Variants in PLCB4 observed in about 807,000 individuals in gnomAD.
The protein encoded by PLCB4 is 1-phosphatidylinositol 4,5-bisphosphate phosphodiesterase beta-4.
In PLCB4, 77 loss-of-function variants were observed where a neutral mutation model predicts 178.8. That is an observed-to-expected ratio of 0.43 (90% CI 0.36 to 0.52). The LOEUF is 0.52. Ranked by LOEUF, PLCB4 falls within the 20% of genes least tolerant of loss-of-function variation. The pLI is 0.00. For missense variants in PLCB4, 1,024 were observed against 1,453.4 expected (o/e 0.70, Z 4.80); for synonymous variants, 496 against 490.8 (o/e 1.01, Z -0.14).
chr20:9,385,705 C>A (rs1177940222), intron 14 of PLCB4, among the ~76,000 whole-genome samples: 2 of 149,282 alleles, frequency 1.3e-5, no homozygotes, highest in Admixed American at 1.3e-4. Flanking sequence ...GACGGGGCAG[C>A]CGGGCAGAGG....
At chr20:9,149,217 T>G (rs1329563020) in intron 2 of PLCB4, among the ~76,000 whole-genome samples, 1 of 152,154 alleles carries the variant, frequency 6.6e-6, no homozygotes, top group Non-Finnish European at 1.5e-5. Context: ...GACTCCCCTT[T>G]TCTCCACAGC....
rs532269739 is a variant in PLCB4, at chr20:9,450,346, A to G, written c.2881-3001A>G. ...TGAGCTGAGACTTGACCAGAGTCACATGGAAATCAGTAATTAGGATCCCCA... is the reference window on the plus strand; with the variant it reads ...TGAGCTGAGACTTGACCAGAGTCACGTGGAAATCAGTAATTAGGATCCCCA... On this transcript the variant is annotated intron_variant, in intron 32 of 39. Coordinates refer to ENST00000378473, the MANE Select transcript of PLCB4 (RefSeq NM_001377142.1). Among the ~76,000 whole-genome samples, 5 of 152,270 alleles carry G rather than the reference A, an allele frequency of 3.3e-5. No individual in the cohort carries two copies. The South Asian group carries it at 6.2e-4, about 19-fold the overall frequency.
intron 2 of PLCB4, among the ~76,000 whole-genome samples, chr20:9,176,493 T>A (rs916951286): frequency 6.6e-6 from 1 of 152,206 alleles, no homozygotes; most frequent in Non-Finnish European, 1.5e-5. Context: ...CATTTTTACA[T>A]GTATTATCAG....
chr20:9,239,162 G>C (rs896630043), intron 3 of PLCB4, among the ~76,000 whole-genome samples: 11 of 151,990 alleles, frequency 7.2e-5, no homozygotes, highest in Non-Finnish European at 1.5e-4. Flanking sequence ...AACATTTGAA[G>C]GTCTGTCTTG....
At chr20:9,356,715 A>T (rs2034855796) in intron 7 of PLCB4, among the ~76,000 whole-genome samples, 1 of 152,238 alleles carries the variant, frequency 6.6e-6, no homozygotes, top group Non-Finnish European at 1.5e-5. Context: ...AATTATATAC[A>T]TTCCTGACAT....
At chr20:9,101,474 T>C (rs1051804046) in intron 2 of PLCB4, among the ~76,000 whole-genome samples, 11 of 152,160 alleles carry the variant, frequency 7.2e-5, no homozygotes, top group African/African-American at 2.7e-4. Context: ...TAACAAACTC[T>C]ATACAATGAA....
At chr20:9,325,880 G>C (rs764041595) in intron 4 of PLCB4, among the ~76,000 whole-genome samples, 81 of 152,150 alleles carry the variant, frequency 5.3e-4, no homozygotes, top group Admixed American at 1.6e-3. Flanking sequence ...CCATACACTC[G>C]GCAGCTATAA....
At chr20:9,151,700 C>G (rs757715672) in intron 2 of PLCB4, among the ~76,000 whole-genome samples, 17 of 151,978 alleles carry the variant, frequency 1.1e-4, no homozygotes, top group Non-Finnish European at 2.2e-4. Flanking sequence ...TGAAAACAAA[C>G]TAATACAGTA....
At chr20:9,101,233 A>G (rs553848005) in intron 2 of PLCB4, among the ~76,000 whole-genome samples, 4 of 152,192 alleles carry the variant, frequency 2.6e-5, no homozygotes, top group Admixed American at 2.0e-4. Flanking sequence ...CAATGTGAAC[A>G]GTCCTGTAGG....
At chr20:9,424,368 C>G (rs1261066784) in intron 28 of PLCB4, among the ~76,000 whole-genome samples, 3 of 152,096 alleles carry the variant, frequency 2.0e-5, no homozygotes, top group Admixed American at 6.5e-5. Flanking sequence ...CTTCCAAATC[C>G]ACAAGAAAGT....
At chr20:9,310,186 A>G (rs1460893020) in intron 4 of PLCB4, among the ~76,000 whole-genome samples, 1 of 152,194 alleles carries the variant, frequency 6.6e-6, no homozygotes, top group Non-Finnish European at 1.5e-5. Flanking sequence ...ACAACATGTA[A>G]GCAGAAAAGG....
chr20:9,276,488 A>G (rs2094451540), intron 3 of PLCB4, among the ~76,000 whole-genome samples: 1 of 152,082 alleles, frequency 6.6e-6, no homozygotes, highest in Non-Finnish European at 1.5e-5. Context: ...ATAAGCCGCT[A>G]TTAGAATCAA....
At chr20:9,366,525 C>T (rs144890465) in intron 9 of PLCB4, among the ~76,000 whole-genome samples, 240 of 152,258 alleles carry the variant, frequency 1.6e-3, no homozygotes, top group Non-Finnish European at 1.9e-3. Flanking sequence ...ATTCCCCATG[C>T]ATCCCTCTTT....
chr20:9,187,221 C>T (rs1304654487), intron 2 of PLCB4, among the ~76,000 whole-genome samples: 2 of 151,932 alleles, frequency 1.3e-5, no homozygotes, highest in Non-Finnish European at 2.9e-5. Context: ...GTGATCTGTC[C>T]GCCTCGGCCT....
intron 2 of PLCB4, among the ~76,000 whole-genome samples, chr20:9,145,495 C>G (rs886146560): frequency 1.3e-5 from 2 of 150,986 alleles, no homozygotes; most frequent in Admixed American, 1.3e-4. Context: ...CCTGCTGATA[C>G]AATTATCAAA....
intron 33 of PLCB4, among the ~76,000 whole-genome samples, chr20:9,456,645 T>C (rs948087086): frequency 1.3e-5 from 2 of 152,156 alleles, no homozygotes; most frequent in Non-Finnish European, 2.9e-5. Flanking sequence ...TGCAAACTTA[T>C]TGAATAACAG....
At chr20:9,081,365 G>A (rs1365259121) in intron 1 of PLCB4, among the ~76,000 whole-genome samples, 1 of 152,202 alleles carries the variant, frequency 6.6e-6, no homozygotes, top group African/African-American at 2.4e-5. Context: ...CCCCTGTGAT[G>A]AAGTTTTAAC....
chr20:9,291,780 A>G (rs1453923139), intron 3 of PLCB4, among the ~76,000 whole-genome samples: 1 of 152,190 alleles, frequency 6.6e-6, no homozygotes, highest in Non-Finnish European at 1.5e-5. Flanking sequence ...CTTTCAGATC[A>G]TGGGGCAGTA....
chr20:9,371,237 G>A lies in PLCB4; in HGVS notation c.527G>A (p.Gly176Glu), dbSNP rs267606065. 1.2e-6 allele frequency: 2 copies of A among 1,609,054 alleles called. No homozygotes were observed. The highest frequency in any genetic ancestry group is 1.7e-6 in the Non-Finnish European group (2 of 1,175,402). ...AGTATTACTAGAACATTTGCATCGGGAAAAACAGAAAAGGTGATCTTTCAA... is the reference window on the plus strand; with the variant it reads ...AGTATTACTAGAACATTTGCATCGGAAAAAACAGAAAAGGTGATCTTTCAA... Reference protein sequence around the residue: ...VRSITRTFASGKTEKVIFQAL... With the variant: ...VRSITRTFASEKTEKVIFQAL... Residue 176 changes from glycine (G) to glutamate (E), a missense_variant, in exon 10 of 40, where the codon GGA becomes GAA. Physicochemically the swap from Gly to Glu is moderately conservative, Grantham distance 98. Coordinates refer to ENST00000378473, the MANE Select transcript of PLCB4 (RefSeq NM_001377142.1).
Sources: gnomAD v4.1 joint callset for allele counts (sites outside exome capture counted in the v4.1 genomes callset) on GRCh38, gnomAD v4.1.1 for gene constraint, MANE v1.5 for transcripts, NCBI Gene and HGNC (gene_info 2026-07-23, HGNC 2026-07-21) for gene names.